CD82: variants seen among roughly 807,000 people sequenced by gnomAD.
CD82 encodes the protein CD82 antigen.
CD82 carries 36 observed loss-of-function variants against 37.4 expected under a neutral mutation model. That is an observed-to-expected ratio of 0.96 (90% confidence interval 0.74 to 1.27). The LOEUF (loss-of-function observed/expected upper bound fraction) is 1.27. CD82 is among the 50% of genes most tolerant of loss of function. The pLI, the probability that CD82 is intolerant of heterozygous loss-of-function variation, is 0.00. For synonymous variants in CD82, 158 were observed against 137.4 expected, an observed-to-expected ratio of 1.15 and a Z score of -1.05; for missense variants, 340 against 347.0, an observed-to-expected ratio of 0.98 and a Z score of 0.16.
At chr11:44,612,552 T>A (rs1450616754) in intron 6 of CD82, among the ~76,000 whole-genome samples, 26 of 138,584 alleles carry the variant, frequency 1.9e-4, no homozygotes, top group East Asian at 1.1e-3. Flanking sequence ...TTTTTTTTTT[T>A]AAATATCATG....
At chr11:44,595,351 C>G (rs1326858318) in intron 3 of CD82, among the ~76,000 whole-genome samples, 1 of 152,166 alleles carries the variant, frequency 6.6e-6, no homozygotes, top group African/African-American at 2.4e-5. Flanking sequence ...CTGGCATGGA[C>G]TGCCTCTTGC....
At chr11:44,601,607 A>G (rs898328893) in intron 4 of CD82, among the ~76,000 whole-genome samples, 1 of 152,180 alleles carries the variant, frequency 6.6e-6, no homozygotes, top group Non-Finnish European at 1.5e-5. Flanking sequence ...CAACTGGCGC[A>G]GTGGGGGTGA....
Position 44,619,067 on chromosome 11 carries a change from T to C in CD82, c.745T>C (p.Ser249Pro). The change falls in exon 10 of 10, where the codon TCC becomes CCC. Residue 249 changes from serine (S) to proline (P), a missense_variant. Transcript: ENST00000227155. ...AIIELLGMVL[S>P]ICLCRHVHSE... ...CCCACAGCTCCTGGGGATGGTCCTG[T>C]CCATCTGCTTGTGCCGGCACGTCCA... 1 of 1,612,752 alleles carries C rather than the reference T, an allele frequency of 6.2e-7. No homozygotes were observed. The highest frequency in any genetic ancestry group is 8.5e-7 in the Non-Finnish European group (1 of 1,179,592).
chr11:44,587,373 C>T (rs542251438), intron 1 of CD82, 102 bp from the exon 2 acceptor site: 25 of 448,486 alleles, frequency 5.6e-5, no homozygotes, highest in South Asian at 3.1e-4. Context: ...GGGGCCCCGC[C>T]GGCCACACGG....
chr11:44,582,838 A>G (rs1853000077), intron 1 of CD82, among the ~76,000 whole-genome samples: 1 of 152,226 alleles, frequency 6.6e-6, no homozygotes, highest in Non-Finnish European at 1.5e-5. Context: ...GCCCTAGGCT[A>G]GTAACCTCAA....
intron 4 of CD82, among the ~76,000 whole-genome samples, chr11:44,603,038 G>T (rs924544858): frequency 6.6e-6 from 1 of 152,196 alleles, no homozygotes; most frequent in East Asian, 1.9e-4. Context: ...GGCACACGGC[G>T]GCTGTCTGGG....
intron 1 of CD82, among the ~76,000 whole-genome samples, chr11:44,574,294 C>T (rs549984383): frequency 6.6e-6 from 1 of 152,290 alleles, no homozygotes; most frequent in East Asian, 1.9e-4. Context: ...GGACCACATC[C>T]AGCCTTTGCT....
At chr11:44,602,821 C>T (rs944136681) in intron 4 of CD82, among the ~76,000 whole-genome samples, 4 of 152,248 alleles carry the variant, frequency 2.6e-5, no homozygotes, top group East Asian at 3.9e-4. Flanking sequence ...TTCTGAGATA[C>T]GGAGACCTCG....
chr11:44,600,254 G>C (rs746415347), intron 4 of CD82, 24 bp downstream of exon 4: 6 of 1,611,958 alleles, frequency 3.7e-6, no homozygotes, highest in Non-Finnish European at 5.1e-6. Flanking sequence ...AGCTTCCCCA[G>C]ACCCAGGCCC....
Position 44,615,865 on chromosome 11 carries a change from C to G in CD82, c.438+492C>G, listed in dbSNP as rs1254220053. Among the ~76,000 whole-genome samples, 6 of 152,138 alleles carry G rather than the reference C, an allele frequency of 3.9e-5. No homozygotes were observed. The East Asian group carries it at 1.2e-3, about 29-fold the overall frequency. ...AAAAATGCACCAAGCTGAATGTGTGCCCATTAGTTCATGTGTATTATACCT... is the reference window on the plus strand; with the variant it reads ...AAAAATGCACCAAGCTGAATGTGTGGCCATTAGTTCATGTGTATTATACCT... On this transcript the variant is annotated intron_variant, in intron 7 of 9. Transcript: ENST00000227155.
intron 2 of CD82, among the ~76,000 whole-genome samples, chr11:44,591,775 TC>T (rs1415146507): frequency 6.6e-6 from 1 of 152,164 alleles, no homozygotes; most frequent in African/African-American, 2.4e-5. Context: ...TAGTTGCTAT[TC>T]CCTGGCGGCC....
intron 6 of CD82, among the ~76,000 whole-genome samples, chr11:44,615,043 T>C (rs1295005000): frequency 6.6e-6 from 1 of 152,132 alleles, no homozygotes; most frequent in African/African-American, 2.4e-5. Flanking sequence ...CATGAGAATA[T>C]TGATGTTTAC....
At chr11:44,573,384 C>A (rs61541836) in intron 1 of CD82, 1 of 152,146 alleles carries the variant, frequency 6.6e-6, no homozygotes, top group African/African-American at 2.4e-5. Context: ...GAGACATCAT[C>A]GTATATAGAG....
intron 6 of CD82, chr11:44,608,196 G>A (rs780306195): frequency 6.6e-6 from 1 of 152,196 alleles, no homozygotes; most frequent in East Asian, 1.9e-4. Context: ...GGCTCAGCGT[G>A]GGGGTGGGAC....
At chr11:44,599,308 A>AG (rs1238000436) in intron 3 of CD82, among the ~76,000 whole-genome samples, 2 of 152,032 alleles carry the variant, frequency 1.3e-5, no homozygotes, top group Admixed American at 6.5e-5. Flanking sequence ...CACATTGGCT[A>AG]ATTTTTGAAA....
In CD82 at chr11:44,605,198, T is replaced by C. The variant is rs1416291352; in HGVS notation, c.261+16T>C. 4 of 1,610,912 alleles carry C rather than the reference T, an allele frequency of 2.5e-6. No individual in the cohort carries two copies. Among genetic ancestry groups the C allele is most frequent in the Non-Finnish European group, 3.4e-6 (4 of 1,178,086 alleles). ...GCTGGGGCTGGTGAGTACGGATCCC[T>C]CCGCAGCTGCCTGCCCATTTCCTCT... On this transcript the variant is annotated intron_variant, in intron 5 of 9. Transcript: ENST00000227155.
chr11:44,574,730 A>G (rs763293253), intron 1 of CD82, among the ~76,000 whole-genome samples: 1 of 152,262 alleles, frequency 6.6e-6, no homozygotes, highest in East Asian at 1.9e-4. Context: ...CACATACAAG[A>G]TTGGGATTGT....
intron 7 of CD82, among the ~76,000 whole-genome samples, chr11:44,617,638 G>A (rs1459023857): frequency 3.3e-5 from 5 of 151,344 alleles, no homozygotes. Context: ...TTTTCACCAG[G>A]AAGCTCAGAG....
In CD82 at chr11:44,605,138, G is replaced by A. The variant is rs1225916961; in HGVS notation, c.217G>A (p.Gly73Ser). ...GAVTMLMGFL[G>S]CIGAVNEVRC... is the part of the protein sequence containing the mutation. ...AGTCACTATGCTCATGGGCTTCCTG[G>A]GCTGCATCGGCGCCGTCAACGAGGT... Residue 73 changes from glycine to serine, a missense_variant, in exon 5 of 10, where the codon GGC (glycine) becomes AGC (serine). Physicochemically the swap from Gly to Ser is moderately conservative, Grantham distance 56. Coordinates refer to ENST00000227155, the MANE Select transcript of CD82 (RefSeq NM_002231.4). 2 of 1,614,076 alleles carry A rather than the reference G, an allele frequency of 1.2e-6. No individual in the cohort carries two copies. Among genetic ancestry groups the A allele is most frequent in the East Asian group, 4.5e-5 (2 of 44,882 alleles).
Sources: gnomAD v4.1 joint callset for allele counts (sites outside exome capture counted in the v4.1 genomes callset) on GRCh38, gnomAD v4.1.1 for gene constraint, MANE v1.5 for transcripts, NCBI Gene and HGNC (gene_info 2026-07-23, HGNC 2026-07-21) for gene names.